The following PRCP variants were observed in gnomAD, a reference collection of about 807,000 sequenced individuals.
PRCP encodes the protein prolylcarboxypeptidase, also known as lysosomal Pro-X carboxypeptidase.
A neutral mutation model predicts 54.2 loss-of-function variants in PRCP; 46 were observed. The observed-to-expected ratio is 0.85, with a 90% CI of 0.67 to 1.09. The LOEUF is 1.09. Ranked by LOEUF, PRCP falls within the 50% of genes least tolerant of loss-of-function variation. The pLI, the probability that PRCP is intolerant of heterozygous loss-of-function variation, is 0.00. For synonymous variants in PRCP, 240 were observed against 212.2 expected, an observed-to-expected ratio of 1.13 and a Z score of -1.14; for missense variants, 613 against 596.8, an observed-to-expected ratio of 1.03 and a Z score of -0.28.
intron 1 of PRCP, among the ~76,000 whole-genome samples, chr11:82,882,854 AAC>A (rs3222274): frequency 5.3e-4 from 38 of 71,402 alleles, no homozygotes; most frequent in Non-Finnish European, 6.4e-4. Context: ...CTACCTGTGC[AAC>A]ACACACACAC....
chr11:82,843,679 T>C (rs1858729946), intron 6 of PRCP, among the ~76,000 whole-genome samples: 1 of 152,212 alleles, frequency 6.6e-6, no homozygotes, highest in African/African-American at 2.4e-5. Context: ...AATTTCTACA[T>C]AAGGCGTGTC....
At chr11:82,882,206 C>G (rs1000720016) in intron 1 of PRCP, among the ~76,000 whole-genome samples, 7 of 151,462 alleles carry the variant, frequency 4.6e-5, no homozygotes, top group African/African-American at 7.3e-5. Context: ...AAAGGGGAGA[C>G]AGAAGAGATG....
rs140634119 is a variant in PRCP, at chr11:82,849,977, C to T, written c.688G>A (p.Gly230Ser). Residue 230 changes from glycine (G) to serine (S), a missense_variant, in exon 5 of 9, where the codon GGT becomes AGT. By Grantham distance (56) the Gly-to-Ser change is moderately conservative. Transcript: ENST00000313010. ...TGGATGCTCTCTGAACAATGTGGAC[C>T]GCTTTTCCTAAAATCTGTAGTTACG... ...KIVTTDFRKS[G>S]PHCSESIHRS... 4.9e-4 allele frequency: 766 copies of T among 1,547,912 alleles called. No individual in the cohort carries two copies. The highest frequency in any genetic ancestry group is 6.1e-4 in the Non-Finnish European group (704 of 1,145,046).
chr11:82,882,367 T>C (rs1407064526), intron 1 of PRCP, among the ~76,000 whole-genome samples: 1 of 152,188 alleles, frequency 6.6e-6, no homozygotes, highest in African/African-American at 2.4e-5. Flanking sequence ...GCTATAGAAG[T>C]TAAACCTGTT....
In PRCP at chr11:82,860,096, T is replaced by C. The variant is rs140677570; in HGVS notation, c.190A>G (p.Thr64Ala). The part of the protein sequence containing the change: ...QQKVDHFGFN[T>A]VKTFNQRYLV... ...TACCGCTGATTAAAAGTTTTCACAG[T>C]ATTAAATCCAAAATGATCAACCTGT... is the stretch of plus-strand genomic sequence containing the variant. The change falls in exon 2 of 9, where the codon ACT (threonine) becomes GCT (alanine). Residue 64 changes from threonine (T) to alanine (A), a missense_variant. Thr to Ala is a moderately conservative substitution (Grantham distance 58). Transcript: ENST00000313010. 3,425 of 1,542,134 alleles carry C rather than the reference T, an allele frequency of 2.2e-3. 22 individuals carry two copies. Among genetic ancestry groups the C allele is most frequent in the Middle Eastern group, 2.1e-3 (12 of 5,838 alleles).
chr11:82,861,670 A>C (rs1859210561), intron 1 of PRCP, among the ~76,000 whole-genome samples: 1 of 152,210 alleles, frequency 6.6e-6, no homozygotes, highest in South Asian at 2.1e-4. Flanking sequence ...ATAAAGGTAA[A>C]AGAGCAAGTT....
At position 82,839,302 on chromosome 11, in the gene PRCP, T is replaced by C. The variant is rs760558592; in HGVS notation, c.1045A>G (p.Thr349Ala). 3.1e-6 allele frequency: 5 copies of C among 1,614,056 alleles called. No homozygotes were observed. The South Asian group carries it at 5.5e-5, about 18-fold the overall frequency. The change falls in exon 7 of 9, where the codon ACA becomes GCA. Residue 349 changes from threonine (T) to alanine (A), a missense_variant. Thr to Ala is a moderately conservative substitution (Grantham distance 58, BLOSUM62 0). Coordinates refer to ENST00000313010, the MANE Select transcript of PRCP (RefSeq NM_005040.4). ...GQVKCLNISE[T>A]ATSSLGTLGW... ...AGTGTTCCCAGACTGCTAGTTGCTG[T>C]CTCTGAAATATTCAGGCATTTCACC... is the stretch of plus-strand genomic sequence containing the variant.
chr11:82,855,455 A>G (rs1859062225), intron 2 of PRCP, among the ~76,000 whole-genome samples: 1 of 151,988 alleles, frequency 6.6e-6, no homozygotes, highest in Non-Finnish European at 1.5e-5. Flanking sequence ...CGTCTCTACT[A>G]AAAATGCAAA....
chr11:82,852,692 C>T (rs1032502010), intron 3 of PRCP, among the ~76,000 whole-genome samples: 4 of 152,050 alleles, frequency 2.6e-5, no homozygotes, highest in African/African-American at 7.2e-5. Context: ...CCTGTGAGAA[C>T]AGGAAAGGCT....
intron 1 of PRCP, among the ~76,000 whole-genome samples, chr11:82,894,345 C>T (rs1463249690): frequency 6.6e-6 from 1 of 152,184 alleles, no homozygotes; most frequent in African/African-American, 2.4e-5. Flanking sequence ...TGTTATGGGT[C>T]TGTGTCTTAT....
intron 2 of PRCP, among the ~76,000 whole-genome samples, chr11:82,854,069 T>C (rs1429500766): frequency 1.3e-5 from 2 of 152,128 alleles, no homozygotes; most frequent in Non-Finnish European, 2.9e-5. Flanking sequence ...GCAAAAGCTG[T>C]AAGCATTCCC....
At chr11:82,862,243 A>G (rs1316878630) in intron 1 of PRCP, among the ~76,000 whole-genome samples, 1 of 152,172 alleles carries the variant, frequency 6.6e-6, no homozygotes, top group African/African-American at 2.4e-5. Flanking sequence ...TTTTAAATAT[A>G]TTTTTGAGAT....
At chr11:82,900,189 T>C (rs1591080507) in intron 1 of PRCP, 46 bp downstream of exon 1, 1 of 1,603,948 alleles carries the variant, frequency 6.2e-7, no homozygotes, top group Non-Finnish European at 8.5e-7. Flanking sequence ...GGGTCAGGGT[T>C]CCCGGCGGTT....
At chr11:82,851,676 T>A in intron 3 of PRCP, among the ~76,000 whole-genome samples, 1 of 151,890 alleles carries the variant, frequency 6.6e-6, no homozygotes. Flanking sequence ...AGGTTTGAAG[T>A]ACATCTTTAC....
At chr11:82,852,733 A>G (rs923293195) in intron 3 of PRCP, among the ~76,000 whole-genome samples, 2 of 152,348 alleles carry the variant, frequency 1.3e-5, no homozygotes, top group Admixed American at 1.3e-4. Flanking sequence ...AGTTGGCCTT[A>G]ATGCATCATA....
chr11:82,885,538 A>G (rs1859843173), intron 1 of PRCP, among the ~76,000 whole-genome samples: 1 of 152,246 alleles, frequency 6.6e-6, no homozygotes, highest in South Asian at 2.1e-4. Flanking sequence ...TATACACTTT[A>G]TTAAATAGAA....
chr11:82,824,020 T>C lies in PRCP; in HGVS notation c.*886A>G, dbSNP rs970831415. On this transcript the variant is annotated 3_prime_UTR_variant, in exon 9 of 9. Transcript: ENST00000313010. ...TTAAAAGCTGAATATTACTATATTC[T>C]ACTTTTGGAATAGCTGATTCATCAA... 1 of 152,254 alleles carries C rather than the reference T, an allele frequency of 6.6e-6. No homozygotes were observed. Among genetic ancestry groups the C allele is most frequent in the Non-Finnish European group, 1.5e-5 (1 of 68,044 alleles). 9.4% of individuals were successfully genotyped at this position (152,254 alleles called of 1,614,324 possible).
At chr11:82,831,114 C>T (rs1346643833) in intron 8 of PRCP, 3 of 151,478 alleles carry the variant, frequency 2.0e-5, no homozygotes, top group South Asian at 2.1e-4. Flanking sequence ...GTAAAATTCC[C>T]CCAACAGGGA....
At chr11:82,825,719 G>A (rs559906714) in intron 8 of PRCP, 2 of 152,282 alleles carry the variant, frequency 1.3e-5, no homozygotes, top group South Asian at 4.1e-4. Flanking sequence ...AAACAGGATG[G>A]TAGATCTAAA....
Sources: allele counts gnomAD v4.1 joint callset (sites outside exome capture counted in the v4.1 genomes callset), GRCh38; gene constraint gnomAD v4.1.1; transcripts MANE v1.5; gene names NCBI Gene and HGNC (gene_info 2026-07-23, HGNC 2026-07-21).